The following SLC35D4 variants were observed in gnomAD, a reference collection of about 807,000 sequenced individuals.
The protein encoded by SLC35D4 is UDP-N-acetylglucosamine transporter SLC35D4.
At chr18:23,425,349 C>T in the SLC35D4 span, among the ~76,000 whole-genome samples, 1 of 152,210 alleles carries the variant, frequency 6.6e-6, no homozygotes, top group African/African-American at 2.4e-5. Flanking sequence ...GATCCTCCCA[C>T]CTTGGCCTCC....
At chr18:23,316,202 G>A in the SLC35D4 span, among the ~76,000 whole-genome samples, 1 of 152,186 alleles carries the variant, frequency 6.6e-6, no homozygotes, top group Admixed American at 6.5e-5. Flanking sequence ...ACCTCTCCAG[G>A]GACGGGCGGA....
the SLC35D4 span, among the ~76,000 whole-genome samples, chr18:23,336,964 G>A: frequency 1.3e-5 from 2 of 152,096 alleles, no homozygotes. Flanking sequence ...AGCAAAGTGT[G>A]ATGGGCTTTG....
chr18:23,282,833 CTCA>C, the SLC35D4 span, among the ~76,000 whole-genome samples: 1 of 152,126 alleles, frequency 6.6e-6, no homozygotes, highest in Non-Finnish European at 1.5e-5. Flanking sequence ...GCTCGCAGGC[CTCA>C]TCTGTGTGCT....
At chr18:23,254,871 T>C in the SLC35D4 span, among the ~76,000 whole-genome samples, 2 of 152,038 alleles carry the variant, frequency 1.3e-5, no homozygotes, top group South Asian at 2.1e-4. Flanking sequence ...ACATACGAAT[T>C]TGGGGGGACA....
chr18:23,386,872 G>C, the SLC35D4 span, among the ~76,000 whole-genome samples: 14 of 152,136 alleles, frequency 9.2e-5, no homozygotes, highest in Non-Finnish European at 1.5e-4. Context: ...ACAAGGTGAG[G>C]GGGGAGAATG....
chr18:23,402,863 T>C, the SLC35D4 span, among the ~76,000 whole-genome samples: 1 of 151,936 alleles, frequency 6.6e-6, no homozygotes, highest in African/African-American at 2.4e-5. Context: ...TCCCAGCACT[T>C]TGGGAGGCCG....
chr18:23,334,559 T>C, the SLC35D4 span, among the ~76,000 whole-genome samples: 1 of 152,114 alleles, frequency 6.6e-6, no homozygotes, highest in Non-Finnish European at 1.5e-5. Flanking sequence ...TATTTTGGAG[T>C]CCTATAAACA....
the SLC35D4 span, chr18:23,421,582 A>G: frequency 1.6e-5 from 11 of 686,602 alleles, no homozygotes; most frequent in African/African-American, 1.3e-4. Flanking sequence ...CTCTCTCCCA[A>G]TTATCCCATT....
At chr18:23,376,687 A>G in the SLC35D4 span, 2 of 435,034 alleles carry the variant, frequency 4.6e-6, no homozygotes, top group East Asian at 1.4e-4. Context: ...TTTATAGAAT[A>G]GAGGATGCTT....
chr18:23,306,597 C>T, the SLC35D4 span, among the ~76,000 whole-genome samples: 223 of 152,320 alleles, frequency 1.5e-3, no homozygotes, highest in East Asian at 0.018. Context: ...TGAGCCACTG[C>T]GCCCAGCTAA....
At chr18:23,240,532 A>G in the SLC35D4 span, among the ~76,000 whole-genome samples, 1 of 152,196 alleles carries the variant, frequency 6.6e-6, no homozygotes, top group Non-Finnish European at 1.5e-5. Context: ...CCTGGGGCAC[A>G]TTTGGCCACT....
chr18:23,280,535 C>T, the SLC35D4 span, among the ~76,000 whole-genome samples: 13 of 152,212 alleles, frequency 8.5e-5, no homozygotes, highest in African/African-American at 3.1e-4. Flanking sequence ...AGTTGCTACA[C>T]ACGTGAACAC....
At chr18:23,304,139 C>T in the SLC35D4 span, among the ~76,000 whole-genome samples, 15 of 150,492 alleles carry the variant, frequency 1.0e-4, no homozygotes, top group African/African-American at 2.4e-4. Context: ...TAGCCAGGCA[C>T]GGTGGCGGGC....
the SLC35D4 span, among the ~76,000 whole-genome samples, chr18:23,305,291 G>A: frequency 6.6e-6 from 1 of 152,138 alleles, no homozygotes. Flanking sequence ...TCACAGTGGT[G>A]GGACAAGGAA....
the SLC35D4 span, among the ~76,000 whole-genome samples, chr18:23,265,432 C>G: frequency 6.6e-6 from 1 of 152,016 alleles, no homozygotes; most frequent in African/African-American, 2.4e-5. Context: ...GAAACGGTGT[C>G]TCATCAAGTA....
At chr18:23,371,032 T>C in the SLC35D4 span, among the ~76,000 whole-genome samples, 2 of 152,132 alleles carry the variant, frequency 1.3e-5, no homozygotes, top group Non-Finnish European at 2.9e-5. Flanking sequence ...ACCTCAATTA[T>C]TCAAGTAAGC....
chr18:23,437,820 G>T, the SLC35D4 span: 5 of 1,613,000 alleles, frequency 3.1e-6, no homozygotes, highest in African/African-American at 6.7e-5. Flanking sequence ...AGGTACAAAA[G>T]GTGAGGCCGA....
chr18:23,388,836 G>C, the SLC35D4 span, among the ~76,000 whole-genome samples: 2 of 152,060 alleles, frequency 1.3e-5, no homozygotes, highest in African/African-American at 2.4e-5. Context: ...ATTCTCTCCT[G>C]CTCCGCCATG....
the SLC35D4 span, among the ~76,000 whole-genome samples, chr18:23,358,804 T>A: frequency 1.3e-5 from 2 of 152,212 alleles, no homozygotes. Context: ...AGTTTCCAGC[T>A]GGCTCTGTGG....
Sources: allele counts gnomAD v4.1 joint callset (sites outside exome capture counted in the v4.1 genomes callset), GRCh38; gene constraint gnomAD v4.1.1; transcripts MANE v1.5; gene names NCBI Gene and HGNC (gene_info 2026-07-23, HGNC 2026-07-21).